RAB10: variants seen among roughly 807,000 people sequenced by gnomAD.
RAB10 encodes RAB10, member RAS oncogene family.
A neutral mutation model predicts 25.7 loss-of-function variants in RAB10; 5 were observed. The ratio of observed to expected loss-of-function variants is 0.19; its 90% CI spans 0.10 to 0.41. RAB10 has a LOEUF of 0.41. Ranked by LOEUF, RAB10 falls within the 10% of genes least tolerant of loss-of-function variation. The probability of loss-of-function intolerance (pLI) is 1.00; values close to 1 mark genes in which losing one functional copy is unlikely to be tolerated. For synonymous variants in RAB10, 89 were observed against 86.4 expected (o/e 1.03, Z -0.16); for missense variants, 103 against 245.8 (o/e 0.42, Z 3.89).
intron 4 of RAB10, 88 bp from the exon 5 acceptor site, chr2:26,127,762 A>C: frequency 1.1e-6 from 1 of 890,522 alleles, no homozygotes; most frequent in South Asian, 1.4e-5. Flanking sequence ...CACTGCCTTC[A>C]GAATAAGATT....
At chr2:26,072,408 C>T (rs1003990503) in intron 1 of RAB10, among the ~76,000 whole-genome samples, 1 of 151,640 alleles carries the variant, frequency 6.6e-6, no homozygotes, top group African/African-American at 2.4e-5. Context: ...GAGTGAGACT[C>T]CATCTAAAAA....
chr2:26,120,429 A>T (rs138966263), intron 3 of RAB10, among the ~76,000 whole-genome samples: 1 of 152,196 alleles, frequency 6.6e-6, no homozygotes, highest in African/African-American at 2.4e-5. Flanking sequence ...AGATTCTGAG[A>T]TCAAAATGCC....
At chr2:26,038,442 T>G (rs1665813128) in intron 1 of RAB10, among the ~76,000 whole-genome samples, 1 of 151,544 alleles carries the variant, frequency 6.6e-6, no homozygotes, top group Non-Finnish European at 1.5e-5. Context: ...GTGATCCACC[T>G]GCCTCAGCCT....
intron 1 of RAB10, among the ~76,000 whole-genome samples, chr2:26,039,175 A>AT (rs1470993422): frequency 6.6e-6 from 1 of 151,652 alleles, no homozygotes; most frequent in Non-Finnish European, 1.5e-5. Context: ...GTGTGCCACC[A>AT]TGCCCAACTA....
intron 1 of RAB10, among the ~76,000 whole-genome samples, chr2:26,069,573 G>A (rs1166209564): frequency 6.6e-6 from 1 of 151,940 alleles, no homozygotes; most frequent in African/African-American, 2.4e-5. Context: ...GGCTGAGGCA[G>A]GAGAATCACT....
At chr2:26,040,533 C>T (rs914570365) in intron 1 of RAB10, among the ~76,000 whole-genome samples, 3 of 152,052 alleles carry the variant, frequency 2.0e-5, no homozygotes, top group African/African-American at 7.2e-5. Flanking sequence ...TGGCATGTTC[C>T]TGTAGTTCTA....
At chr2:26,058,069 A>G (rs1666304742) in intron 1 of RAB10, among the ~76,000 whole-genome samples, 2 of 152,228 alleles carry the variant, frequency 1.3e-5, no homozygotes, top group Admixed American at 6.5e-5. Context: ...ATATTTGTTA[A>G]GAAGACTAAA....
intron 1 of RAB10, among the ~76,000 whole-genome samples, chr2:26,045,388 C>T (rs897052118): frequency 6.6e-6 from 1 of 151,820 alleles, no homozygotes; most frequent in African/African-American, 2.4e-5. Flanking sequence ...TACAGGCGCC[C>T]GCCACCACGC....
chr2:26,034,477 C>T lies in RAB10; in HGVS notation c.-132C>T. The stretch of plus-strand genomic sequence containing the variant: ...CTCAAAGCTGTTCGTAGGTCGCCCG[C>T]GCCGTCTCGAGCCTTTTTCCCACGC... On this transcript the variant is annotated 5_prime_UTR_variant, in exon 1 of 6. Coordinates refer to ENST00000264710, the MANE Select transcript of RAB10 (RefSeq NM_016131.5). The T allele has an allele frequency of 8.0e-7, 1 of 1,249,234 alleles. No individual in the cohort carries two copies. Among genetic ancestry groups the T allele is most frequent in the Non-Finnish European group, 1.1e-6 (1 of 910,556 alleles). The allele number at this position is 1,249,234 out of a possible 1,614,324, so 77.4% of individuals were successfully genotyped here.
intron 1 of RAB10, among the ~76,000 whole-genome samples, chr2:26,096,178 T>G (rs1423005862): frequency 6.6e-6 from 1 of 152,236 alleles, no homozygotes; most frequent in Non-Finnish European, 1.5e-5. Context: ...GCAAATTTAC[T>G]TAATATTCCT....
chr2:26,102,585 C>T (rs770629833), intron 2 of RAB10, among the ~76,000 whole-genome samples: 3 of 152,008 alleles, frequency 2.0e-5, no homozygotes, highest in Non-Finnish European at 4.4e-5. Flanking sequence ...ACTACAGGTG[C>T]CTGTCACCAC....
At chr2:26,054,246 G>A (rs1446047412) in intron 1 of RAB10, among the ~76,000 whole-genome samples, 2 of 151,654 alleles carry the variant, frequency 1.3e-5, no homozygotes, top group African/African-American at 4.8e-5. Flanking sequence ...TAGAGACAGG[G>A]TTTCACCATG....
Position 26,061,092 on chromosome 2 carries a change from CTTTTTTTTTTT to C in RAB10, c.127+26372_127+26382del, listed in dbSNP as rs5829993. 2.7e-3 allele frequency among the ~76,000 whole-genome samples: 230 copies of C among 83,650 alleles called. 4 individuals are homozygous for C. Among genetic ancestry groups the C allele is most frequent in the African/African-American group, 9.9e-3 (222 of 22,494 alleles). The allele number at this position is 83,650 out of a possible 152,430, so 54.9% of individuals were successfully genotyped here. On this transcript the variant is annotated intron_variant, in intron 1 of 5. Transcript: ENST00000264710. Reference sequence around the variant, plus strand: ...AATTTTTTTTTCCATTTATCTCTGTCTTTTTTTTTTTTTTTTTTTTTTTTTGTTCGTTTGTT... The same window carrying C: ...AATTTTTTTTTCCATTTATCTCTGTCTTTTTTTTTTTTTTGTTCGTTTGTT...
chr2:26,083,179 TAATAA>T (rs1489429234), intron 1 of RAB10, among the ~76,000 whole-genome samples: 1 of 152,130 alleles, frequency 6.6e-6, no homozygotes, highest in Non-Finnish European at 1.5e-5. Flanking sequence ...AGGTTGTAGA[TAATAA>T]AATAAAGCAA....
At chr2:26,092,653 G>C (rs1574548316) in intron 1 of RAB10, among the ~76,000 whole-genome samples, 2 of 152,206 alleles carry the variant, frequency 1.3e-5, no homozygotes, top group East Asian at 3.9e-4. Context: ...GTGATGCCTA[G>C]TTTCCATGCC....
At chr2:26,042,840 A>G (rs1330578661) in intron 1 of RAB10, 2 of 152,216 alleles carry the variant, frequency 1.3e-5, no homozygotes, top group African/African-American at 2.4e-5. Flanking sequence ...CAGATGCCCA[A>G]TAAACATATG....
chr2:26,130,597 C>G (rs750508156), intron 5 of RAB10, among the ~76,000 whole-genome samples: 1 of 152,108 alleles, frequency 6.6e-6, no homozygotes, highest in African/African-American at 2.4e-5. Flanking sequence ...GGACACATCA[C>G]CATCCCTCAC....
chr2:26,053,358 G>A (rs1666175651), intron 1 of RAB10, among the ~76,000 whole-genome samples: 1 of 152,144 alleles, frequency 6.6e-6, no homozygotes, highest in South Asian at 2.1e-4. Flanking sequence ...TAATTTAGAT[G>A]TGTAATTTTT....
intron 1 of RAB10, among the ~76,000 whole-genome samples, chr2:26,072,189 C>T (rs1176313680): frequency 4.6e-5 from 7 of 152,170 alleles, no homozygotes; most frequent in South Asian, 2.1e-4. Context: ...GAGGCCGAGG[C>T]GGCTGGATCA....
Sources: allele counts gnomAD v4.1 joint callset (sites outside exome capture counted in the v4.1 genomes callset), GRCh38; gene constraint gnomAD v4.1.1; transcripts MANE v1.5; gene names NCBI Gene and HGNC (gene_info 2026-07-23, HGNC 2026-07-21).